LRRC4C: variants seen among roughly 807,000 people sequenced by gnomAD.
LRRC4C encodes leucine-rich repeat-containing protein 4C.
Under a neutral mutation model 33.6 loss-of-function variants are expected in LRRC4C, and 5 were observed. That is an observed-to-expected ratio of 0.15 (90% CI 0.08 to 0.31). LRRC4C has a LOEUF of 0.31. Among genes scored for constraint, LRRC4C ranks in the 10% least tolerant of loss-of-function variants. LRRC4C has a pLI of 1.00. For missense variants in LRRC4C, 560 were observed against 796.7 expected (o/e 0.70, Z 3.58); for synonymous variants, 329 against 302.0 (o/e 1.09, Z -0.93).
chr11:41,079,526 A>T (rs888682301), intron 1 of LRRC4C, among the ~76,000 whole-genome samples: 14 of 152,296 alleles, frequency 9.2e-5, no homozygotes, highest in Admixed American at 7.2e-4. Context: ...GTGCCCCCCA[A>T]GAGCAAAAAG....
intron 1 of LRRC4C, among the ~76,000 whole-genome samples, chr11:41,220,537 C>T (rs1947260293): frequency 6.9e-6 from 1 of 145,432 alleles, no homozygotes; most frequent in African/African-American, 2.5e-5. Context: ...CAGACATACA[C>T]ACACACACAC....
chr11:40,885,408 C>T (rs1955407510), intron 2 of LRRC4C, among the ~76,000 whole-genome samples: 1 of 152,028 alleles, frequency 6.6e-6, no homozygotes, highest in African/African-American at 2.4e-5. Flanking sequence ...CTGTATTAGG[C>T]AGCAGCTGTG....
At chr11:41,154,425 C>T (rs2135984687) in intron 1 of LRRC4C, among the ~76,000 whole-genome samples, 1 of 152,112 alleles carries the variant, frequency 6.6e-6, no homozygotes, top group South Asian at 2.1e-4. Context: ...TCTATCATTG[C>T]TTACGGAAAA....
At chr11:40,778,003 T>A (rs1950076166) in intron 2 of LRRC4C, among the ~76,000 whole-genome samples, 1 of 152,166 alleles carries the variant, frequency 6.6e-6, no homozygotes, top group South Asian at 2.1e-4. Context: ...TTGATTTTTT[T>A]AATTCAACTT....
At chr11:41,167,342 C>G (rs777588807) in intron 1 of LRRC4C, among the ~76,000 whole-genome samples, 2 of 152,138 alleles carry the variant, frequency 1.3e-5, no homozygotes, top group African/African-American at 2.4e-5. Context: ...AGTGCTTTCC[C>G]TCTTGGACAA....
chr11:40,955,806 A>T (rs1183337585), intron 1 of LRRC4C, among the ~76,000 whole-genome samples: 2 of 151,760 alleles, frequency 1.3e-5, no homozygotes, highest in African/African-American at 4.8e-5. Context: ...AAAGCTCTTC[A>T]TTTTATTGTG....
intron 1 of LRRC4C, among the ~76,000 whole-genome samples, chr11:40,984,334 G>T (rs1047645948): frequency 7.2e-6 from 1 of 139,836 alleles, no homozygotes. Flanking sequence ...AAGAAAGAAA[G>T]AAAGAAAGTA....
At chr11:40,488,673 C>T (rs532356229) in intron 3 of LRRC4C, among the ~76,000 whole-genome samples, 12 of 152,026 alleles carry the variant, frequency 7.9e-5, no homozygotes, top group African/African-American at 2.4e-4. Context: ...TGGATTCTTA[C>T]GTGACTAAAT....
chr11:40,392,655 C>T (rs1447886700), intron 3 of LRRC4C, among the ~76,000 whole-genome samples: 1 of 151,904 alleles, frequency 6.6e-6, no homozygotes, highest in Non-Finnish European at 1.5e-5. Context: ...GTTATAATAT[C>T]AGTATTTTAA....
At chr11:40,528,758 G>A (rs79612072) in intron 3 of LRRC4C, among the ~76,000 whole-genome samples, 14,171 of 152,050 alleles carry the variant, frequency 0.093, 797 homozygotes, top group Middle Eastern at 0.15. Flanking sequence ...ATGGACAGAT[G>A]AATAAAGAAA....
chr11:40,124,804 A>G (rs1211003298), intron 6 of LRRC4C, among the ~76,000 whole-genome samples: 1 of 152,166 alleles, frequency 6.6e-6, no homozygotes, highest in Non-Finnish European at 1.5e-5. Context: ...AATAACTAAA[A>G]TAGTAAAATT....
At chr11:41,305,832 C>T (rs1273924065) in intron 1 of LRRC4C, among the ~76,000 whole-genome samples, 1 of 131,908 alleles carries the variant, frequency 7.6e-6, no homozygotes, top group Non-Finnish European at 1.6e-5. Context: ...ATCTGCTGAC[C>T]TTCCCTCCAC....
At chr11:40,938,043 C>A (rs1485415459) in intron 1 of LRRC4C, among the ~76,000 whole-genome samples, 1 of 152,094 alleles carries the variant, frequency 6.6e-6, no homozygotes, top group Non-Finnish European at 1.5e-5. Context: ...TTATCAAGAG[C>A]CAATAAAATA....
At chr11:40,188,218 G>T (rs1861561375) in intron 5 of LRRC4C, among the ~76,000 whole-genome samples, 1 of 152,122 alleles carries the variant, frequency 6.6e-6, no homozygotes, top group Non-Finnish European at 1.5e-5. Context: ...TAAATGCAAA[G>T]GTCTTGGTGC....
chr11:41,367,837 A>G (rs1286483903), intron 1 of LRRC4C, among the ~76,000 whole-genome samples: 1 of 152,102 alleles, frequency 6.6e-6, no homozygotes, highest in Non-Finnish European at 1.5e-5. Context: ...TACCCAGGCT[A>G]TTAGGTTCAC....
At chr11:41,235,646 TTA>T (rs1190242786) in intron 1 of LRRC4C, among the ~76,000 whole-genome samples, 6 of 152,142 alleles carry the variant, frequency 3.9e-5, no homozygotes, top group Non-Finnish European at 7.4e-5. Context: ...ACACAGTTTT[TTA>T]AAACGTATGA....
chr11:40,811,277 T>C (rs73470899), intron 2 of LRRC4C, among the ~76,000 whole-genome samples: 2,291 of 152,280 alleles, frequency 0.015, 63 homozygotes, highest in African/African-American at 0.053. Context: ...AATTTCTTAC[T>C]TTATTTCCTC....
intron 5 of LRRC4C, among the ~76,000 whole-genome samples, chr11:40,219,476 T>A (rs1382430753): frequency 6.6e-6 from 1 of 152,182 alleles, no homozygotes; most frequent in Non-Finnish European, 1.5e-5. Flanking sequence ...CTTAGAACAA[T>A]CCTTGGCCCG....
In LRRC4C at chr11:40,293,410, C is replaced by CG. The variant is rs1490994666; in HGVS notation, c.-176+26217dup. 2.6e-5 allele frequency: 4 copies of CG among 152,064 alleles called. No individual in the cohort carries two copies. The East Asian group carries it at 5.9e-4, about 22-fold the overall frequency. The allele number at this position is 152,064 out of a possible 1,614,324, so 9.4% of individuals were successfully genotyped here. A position where few individuals can be genotyped will look rare whatever the true frequency, so the allele number is the denominator to read the frequency against. ...AACTCCGCGGTCGGGGCCGGGATCA[C>CG]GGGGGAGACGCAGGATGCGGTCCCT... is the stretch of plus-strand genomic sequence containing the variant. On this transcript the variant is annotated intron_variant, in intron 4 of 6. Transcript: ENST00000528697.
Sources: gnomAD v4.1 joint callset for allele counts (sites outside exome capture counted in the v4.1 genomes callset) on GRCh38, gnomAD v4.1.1 for gene constraint, MANE v1.5 for transcripts, NCBI Gene and HGNC (gene_info 2026-07-23, HGNC 2026-07-21) for gene names.